SAMSN1: variants seen among roughly 807,000 people sequenced by gnomAD.
SAMSN1 encodes the protein SAM domain, SH3 domain and nuclear localization signals 1, also known as SAM domain-containing protein SAMSN-1.
SAMSN1 carries 31 observed loss-of-function variants against 42.0 expected under a neutral mutation model. That is an observed-to-expected ratio of 0.74 (90% CI 0.55 to 1.00). SAMSN1 has a LOEUF of 1.00. Among genes scored for constraint, SAMSN1 ranks in the 50% least tolerant of loss-of-function variants. The pLI is 0.00. For missense variants in SAMSN1, 464 were observed against 439.4 expected, an observed-to-expected ratio of 1.06 and a Z score of -0.50; for synonymous variants, 178 against 151.9, an observed-to-expected ratio of 1.17 and a Z score of -1.26.
At chr21:14,588,510 T>C (rs982643280) in intron 7 of SAMSN1, among the ~76,000 whole-genome samples, 9 of 151,878 alleles carry the variant, frequency 5.9e-5, no homozygotes, top group African/African-American at 2.2e-4. Context: ...ATGATGAGCA[T>C]TTTTTCATGT....
Position 14,601,946 on chromosome 21 carries a change from A to T in SAMSN1, c.399+77T>A, listed in dbSNP as rs1982444005. On this transcript the variant is annotated intron_variant, in intron 6 of 15. Transcript: ENST00000647101. ...CTAAAAGGCTGTGTAAGTATTGTAC[A>T]CTATGCCTAATATATTACAGAGCTG... The T allele has an allele frequency of 5.6e-6, 3 of 537,706 alleles. No individual in the cohort carries two copies. The East Asian group carries it at 8.8e-5, about 16-fold the overall frequency. 33.3% of individuals were successfully genotyped at this position (537,706 alleles called of 1,614,324 possible).
At chr21:14,583,833 T>C, upstream of SAMSN1, 1 of 691,816 alleles carries the variant, frequency 1.4e-6, no homozygotes, top group Non-Finnish European at 2.7e-6. Context: ...AGATTAAATA[T>C]AAAATATGTT....
chr21:14,608,171 C>G (rs527604991), intron 5 of SAMSN1, among the ~76,000 whole-genome samples: 2 of 152,314 alleles, frequency 1.3e-5, no homozygotes, highest in East Asian at 3.9e-4. Flanking sequence ...GATCACAATA[C>G]CTGGTTCTAA....
At chr21:14,527,142 A>G (rs937074867) in intron 1 of SAMSN1, among the ~76,000 whole-genome samples, 2 of 152,228 alleles carry the variant, frequency 1.3e-5, no homozygotes, top group African/African-American at 4.8e-5. Context: ...TATTGCACAA[A>G]GAACGTTGGT....
intron 7 of SAMSN1, among the ~76,000 whole-genome samples, chr21:14,494,069 G>A (rs546700194): frequency 6.6e-6 from 1 of 152,190 alleles, no homozygotes; most frequent in Non-Finnish European, 1.5e-5. Flanking sequence ...AACAGATGCT[G>A]AAGAGGATGT....
intron 2 of SAMSN1, among the ~76,000 whole-genome samples, chr21:14,556,810 C>G (rs2123189232): frequency 6.6e-6 from 1 of 152,318 alleles, no homozygotes; most frequent in South Asian, 2.1e-4. Flanking sequence ...ACCTGCAACT[C>G]AATTCTATTT....
At chr21:14,546,680 AAAAG>A (rs1483897235), upstream of SAMSN1, among the ~76,000 whole-genome samples, 7 of 151,982 alleles carry the variant, frequency 4.6e-5, no homozygotes, top group East Asian at 1.3e-3. Flanking sequence ...AAAAAAAAAA[AAAAG>A]AATACTCAAG....
rs71330076 is a variant in SAMSN1, at chr21:14,565,286, CAAAAAAAA to C, written c.261+16842_261+16849del. Among the ~76,000 whole-genome samples, 11 of 109,598 alleles carry C rather than the reference CAAAAAAAA, an allele frequency of 1.0e-4. 1 individual carries two copies. In the Admixed American group the frequency reaches 1.0e-3, roughly 10 times the overall value. The allele number at this position is 109,598 out of a possible 152,430, so 71.9% of individuals were successfully genotyped here. A position where few individuals can be genotyped will look rare whatever the true frequency, so the allele number is the denominator to read the frequency against. On this transcript the variant is annotated intron_variant, in intron 2 of 8. Transcript: ENST00000285670. ...ACTCCAGCCTTGGCAAGACTCTATC[CAAAAAAAA>C]AAAAAAAAACATGTTTTGGTTTGTA...
chr21:14,639,682 G>A (rs1983547967), intron 2 of SAMSN1, among the ~76,000 whole-genome samples: 1 of 152,042 alleles, frequency 6.6e-6, no homozygotes, highest in South Asian at 2.1e-4. Context: ...AATAGATACA[G>A]AATCAAGCAG....
chr21:14,572,945 G>C (rs1169073727), intron 2 of SAMSN1, among the ~76,000 whole-genome samples: 2 of 152,140 alleles, frequency 1.3e-5, no homozygotes, highest in East Asian at 3.8e-4. Context: ...TTGAGCTTCA[G>C]ATTTCTACAT....
intron 1 of SAMSN1, among the ~76,000 whole-genome samples, chr21:14,537,174 C>G (rs570048988): frequency 6.6e-6 from 1 of 152,356 alleles, no homozygotes; most frequent in Non-Finnish European, 1.5e-5. Flanking sequence ...CCGCTATGCA[C>G]TCTGCCCCAC....
At chr21:14,657,388 G>A (rs1053646450) in intron 1 of SAMSN1, among the ~76,000 whole-genome samples, 12 of 151,662 alleles carry the variant, frequency 7.9e-5, no homozygotes, top group Admixed American at 2.6e-4. Flanking sequence ...TCAGGACTTC[G>A]AGGCAATCCT....
chr21:14,510,582 T>C (rs750335730), intron 4 of SAMSN1, 121 bp from the exon 5 acceptor site: 26 of 1,099,524 alleles, frequency 2.4e-5, no homozygotes, highest in Non-Finnish European at 3.2e-5. Context: ...GAGGAAGTTC[T>C]AATTGACCCA....
At chr21:14,570,857 G>A (rs76177477) in intron 2 of SAMSN1, among the ~76,000 whole-genome samples, 5,919 of 152,154 alleles carry the variant, frequency 0.039, 156 homozygotes, top group African/African-American at 0.069. Context: ...GCTTAAAACA[G>A]TTCTTGCTTA....
chr21:14,639,608 A>G (rs957159679), intron 2 of SAMSN1, among the ~76,000 whole-genome samples: 1 of 152,168 alleles, frequency 6.6e-6, no homozygotes, highest in Admixed American at 6.6e-5. Flanking sequence ...CATCCAAACC[A>G]TAGCATTCTC....
intron 6 of SAMSN1, among the ~76,000 whole-genome samples, chr21:14,500,263 T>A (rs1170848552): frequency 6.6e-6 from 1 of 152,160 alleles, no homozygotes; most frequent in Non-Finnish European, 1.5e-5. Context: ...TCCTAGATAT[T>A]TTTCATTTTT....
chr21:14,582,803 TA>T (rs1203987685), intron 1 of SAMSN1, among the ~76,000 whole-genome samples: 2 of 152,082 alleles, frequency 1.3e-5, no homozygotes, highest in African/African-American at 4.8e-5. Context: ...AAAATACAAT[TA>T]AAAAACCCAC....
At chr21:14,583,535 A>T, upstream of SAMSN1, 1 of 593,508 alleles carries the variant, frequency 1.7e-6, no homozygotes, top group Non-Finnish European at 3.0e-6. Context: ...CAATAAAAAA[A>T]AATCCTCAAT....
chr21:14,546,764 C>T (rs1177548242), upstream of SAMSN1, among the ~76,000 whole-genome samples: 1 of 151,880 alleles, frequency 6.6e-6, no homozygotes, highest in Admixed American at 6.6e-5. Flanking sequence ...GGCTAGAGTG[C>T]AGTGGCATGA....
Sources: allele counts gnomAD v4.1 joint callset (sites outside exome capture counted in the v4.1 genomes callset), GRCh38; gene constraint gnomAD v4.1.1; transcripts MANE v1.5; gene names NCBI Gene and HGNC (gene_info 2026-07-23, HGNC 2026-07-21).